The following SLC4A4 variants were observed in gnomAD, a reference collection of about 807,000 sequenced individuals.
SLC4A4 encodes electrogenic sodium bicarbonate cotransporter 1.
In SLC4A4, 27 loss-of-function variants were observed where a neutral mutation model predicts 111.5. That is an observed-to-expected ratio of 0.24 (90% confidence interval 0.18 to 0.33). The LOEUF is 0.33. Ranked by LOEUF, SLC4A4 falls within the 10% of genes least tolerant of loss-of-function variation. The pLI, the probability that SLC4A4 is intolerant of heterozygous loss-of-function variation, is 1.00. For missense variants in SLC4A4, 909 were observed against 1,315.5 expected (o/e 0.69, Z 4.78); for synonymous variants, 443 against 463.4 (o/e 0.96, Z 0.57).
At position 71,570,225 on chromosome 4, in the gene SLC4A4, CTTAA is replaced by C. The variant is rs1737839033; in HGVS notation, c.*2475_*2478del. 1 of 116,010 alleles carries C rather than the reference CTTAA, an allele frequency of 8.6e-6. No homozygotes were observed. The highest frequency in any genetic ancestry group is 2.1e-5 in the Non-Finnish European group (1 of 47,744). The allele number at this position is 116,010 out of a possible 1,614,324, so 7.2% of individuals were successfully genotyped here. On this transcript the variant is annotated 3_prime_UTR_variant, in exon 26 of 26. Transcript: ENST00000264485. ...ACCTTTCAAAGAACTCCTGAAGCAA[CTTAA>C]CTCATCATTTCAGCCTCTGAGTAGA...
At chr4:71,550,042 G>A (rs1489296984) in intron 20 of SLC4A4, among the ~76,000 whole-genome samples, 1 of 151,844 alleles carries the variant, frequency 6.6e-6, no homozygotes, top group East Asian at 1.9e-4. Context: ...AGCTGCTAGT[G>A]TTCATGATTG....
chr4:71,300,813 C>G (rs1235114257), intron 3 of SLC4A4: 30 of 419,946 alleles, frequency 7.1e-5, no homozygotes, highest in Admixed American at 6.4e-4. Flanking sequence ...GTGCAAACCC[C>G]TGAGGTGCAG....
intron 14 of SLC4A4, among the ~76,000 whole-genome samples, chr4:71,482,777 C>T (rs1246060912): frequency 6.6e-6 from 1 of 151,696 alleles, no homozygotes; most frequent in East Asian, 2.0e-4. Flanking sequence ...CATCATCTAA[C>T]ATTGGCAAGT....
At chr4:71,478,170 A>G (rs1313317096) in intron 14 of SLC4A4, among the ~76,000 whole-genome samples, 1 of 152,010 alleles carries the variant, frequency 6.6e-6, no homozygotes, top group Non-Finnish European at 1.5e-5. Flanking sequence ...GTGGGAGTGT[A>G]AATTAGTTCA....
chr4:71,270,337 G>A (rs558727266), intron 3 of SLC4A4, among the ~76,000 whole-genome samples: 10 of 152,240 alleles, frequency 6.6e-5, no homozygotes, highest in South Asian at 4.1e-4. Flanking sequence ...TGATCCGCCC[G>A]CCTCGGCCTC....
intron 2 of SLC4A4, among the ~76,000 whole-genome samples, chr4:71,160,404 T>G (rs1744589742): frequency 1.3e-5 from 2 of 152,044 alleles, no homozygotes; most frequent in Non-Finnish European, 2.9e-5. Flanking sequence ...TCAGCGCCAT[T>G]TGGGTACTTG....
At chr4:71,328,050 A>G (rs761874450) in intron 3 of SLC4A4, among the ~76,000 whole-genome samples, 2 of 151,960 alleles carry the variant, frequency 1.3e-5, no homozygotes, top group African/African-American at 2.4e-5. Flanking sequence ...AATTGTTTTA[A>G]TGTTTAGTTT....
intron 7 of SLC4A4, among the ~76,000 whole-genome samples, chr4:71,422,950 C>A (rs927151860): frequency 3.0e-4 from 45 of 152,180 alleles, no homozygotes; most frequent in African/African-American, 1.1e-3. Flanking sequence ...CCCTCTCTCA[C>A]CACTCCTATT....
intron 12 of SLC4A4, among the ~76,000 whole-genome samples, chr4:71,460,782 C>G (rs1246935878): frequency 2.6e-5 from 4 of 152,096 alleles, no homozygotes; most frequent in Non-Finnish European, 4.4e-5. Flanking sequence ...ACATGGGAAT[C>G]ACTTGGGGGA....
At chr4:71,106,790 G>A (rs867775129) in intron 2 of SLC4A4, among the ~76,000 whole-genome samples, 50 of 77,334 alleles carry the variant, frequency 6.5e-4, no homozygotes, top group Middle Eastern at 6.3e-3. Flanking sequence ...GGGGGAGGGG[G>A]GAGGGATAGC....
At chr4:71,503,103 G>A (rs1325185513) in intron 16 of SLC4A4, among the ~76,000 whole-genome samples, 4 of 151,680 alleles carry the variant, frequency 2.6e-5, no homozygotes, top group Non-Finnish European at 2.9e-5. Flanking sequence ...TACAGTTTTC[G>A]ACTTAAGTAT....
At chr4:71,325,731 C>T (rs1432254096) in intron 3 of SLC4A4, among the ~76,000 whole-genome samples, 3 of 151,974 alleles carry the variant, frequency 2.0e-5, no homozygotes, top group Admixed American at 1.3e-4. Context: ...GTGATATTCT[C>T]ATTGCTCAGA....
intron 3 of SLC4A4, among the ~76,000 whole-genome samples, chr4:71,264,701 T>G (rs1054558331): frequency 1.3e-5 from 2 of 152,118 alleles, no homozygotes; most frequent in Non-Finnish European, 1.5e-5. Flanking sequence ...TAATTGTACT[T>G]TGTTACTTCT....
intron 2 of SLC4A4, among the ~76,000 whole-genome samples, chr4:71,156,995 G>A (rs1240606116): frequency 6.6e-6 from 1 of 152,088 alleles, no homozygotes; most frequent in African/African-American, 2.4e-5. Flanking sequence ...TTTCATGTTC[G>A]AGAAAGGAGA....
chr4:71,219,153 G>A (rs1393966384), intron 1 of SLC4A4, among the ~76,000 whole-genome samples: 2 of 152,202 alleles, frequency 1.3e-5, no homozygotes, highest in African/African-American at 4.8e-5. Flanking sequence ...TAAGCTTAGT[G>A]AGGAAGGCAT....
chr4:71,442,114 C>G (rs995503754), intron 8 of SLC4A4, among the ~76,000 whole-genome samples: 3 of 152,110 alleles, frequency 2.0e-5, no homozygotes, highest in African/African-American at 7.2e-5. Flanking sequence ...AAGAAAATTG[C>G]TCTTGGCTTT....
intron 24 of SLC4A4, among the ~76,000 whole-genome samples, chr4:71,566,217 G>T (rs1290383711): frequency 6.6e-6 from 1 of 151,124 alleles, no homozygotes; most frequent in Non-Finnish European, 1.5e-5. Flanking sequence ...ATGGGGTTTG[G>T]TTATGAATTT....
chr4:71,164,323 G>A (rs1050703479), intron 2 of SLC4A4, among the ~76,000 whole-genome samples: 3 of 151,720 alleles, frequency 2.0e-5, no homozygotes, highest in African/African-American at 7.3e-5. Context: ...GGAGGTTGTA[G>A]GGAGCCGAGA....
At chr4:71,467,449 A>G (rs1727477497) in intron 13 of SLC4A4, among the ~76,000 whole-genome samples, 1 of 152,172 alleles carries the variant, frequency 6.6e-6, no homozygotes, top group African/African-American at 2.4e-5. Context: ...ACATGTACTA[A>G]CTCATTTAAT....
Sources: allele counts gnomAD v4.1 joint callset (sites outside exome capture counted in the v4.1 genomes callset), GRCh38; gene constraint gnomAD v4.1.1; transcripts MANE v1.5; gene names NCBI Gene and HGNC (gene_info 2026-07-23, HGNC 2026-07-21).